The following LSMEM2 variants were observed in gnomAD, a reference collection of about 807,000 sequenced individuals.
LSMEM2 encodes leucine rich single-pass membrane protein 2.
A neutral mutation model predicts 17.3 loss-of-function variants in LSMEM2; 20 were observed. That is an observed-to-expected ratio of 1.16 (90% CI 0.81 to 1.68). The LOEUF is 1.68. Ranked by LOEUF, LSMEM2 falls within the 40% of genes most tolerant of loss-of-function variation. The pLI is 0.00. For missense variants in LSMEM2, 207 were observed against 214.3 expected, an observed-to-expected ratio of 0.97 and a Z score of 0.21; for synonymous variants, 94 against 97.8, an observed-to-expected ratio of 0.96 and a Z score of 0.23.
intron 1 of LSMEM2, among the ~76,000 whole-genome samples, chr3:50,282,843 CACTGT>C (rs1314194690): frequency 6.6e-6 from 1 of 151,664 alleles, no homozygotes; most frequent in Non-Finnish European, 1.5e-5. Context: ...GAGATCATGC[CACTGT>C]ACTCCAGTCT....
intron 1 of LSMEM2, 114 bp downstream of exon 1, chr3:50,279,285 C>A: frequency 1.1e-6 from 1 of 941,858 alleles, no homozygotes; most frequent in Non-Finnish European, 1.7e-6. Flanking sequence ...GTTAGTTACC[C>A]ATTTTCATGC....
intron 1 of LSMEM2, among the ~76,000 whole-genome samples, chr3:50,283,872 CAA>C (rs1701457150): frequency 1.3e-5 from 2 of 152,132 alleles, no homozygotes; most frequent in South Asian, 2.1e-4. Context: ...TACACAGACC[CAA>C]GTGACTAAAT....
chr3:50,285,514 C>T (rs1157203077), intron 1 of LSMEM2, among the ~76,000 whole-genome samples: 1 of 151,902 alleles, frequency 6.6e-6, no homozygotes, highest in Non-Finnish European at 1.5e-5. Flanking sequence ...GTGGCACACG[C>T]CTGTAATCCC....
At chr3:50,286,929 G>A in intron 3 of LSMEM2, 67 bp downstream of exon 3, 1 of 1,592,878 alleles carries the variant, frequency 6.3e-7, no homozygotes, top group Non-Finnish European at 8.6e-7. Context: ...GCCCTTCTGT[G>A]CAGCTGGAAG....
chr3:50,287,323 T>C lies in LSMEM2; in HGVS notation c.*121T>C. 1.5e-6 allele frequency: 2 copies of C among 1,344,878 alleles called. No homozygotes were observed. The highest frequency in any genetic ancestry group is 3.9e-4 in the Middle Eastern group (2 of 5,082). 83.3% of individuals were successfully genotyped at this position (1,344,878 alleles called of 1,614,324 possible). On this transcript the variant is annotated 3_prime_UTR_variant, in exon 4 of 4. Transcript: ENST00000316436. ...CTACACTATTTCCTTGGTGAGATTT[T>C]TGTACAAGAACCTGTTGTTAACTTA... is the stretch of plus-strand genomic sequence containing the variant.
upstream of LSMEM2, among the ~76,000 whole-genome samples, chr3:50,278,127 A>G (rs1553707295): frequency 6.6e-6 from 1 of 152,182 alleles, no homozygotes; most frequent in African/African-American, 2.4e-5. Context: ...TGAGGTGGTA[A>G]CAAGCTTGTT....
intron 1 of LSMEM2, among the ~76,000 whole-genome samples, chr3:50,284,316 T>C (rs1701468872): frequency 6.6e-6 from 1 of 151,488 alleles, no homozygotes; most frequent in Admixed American, 6.6e-5. Context: ...AGCAAATATA[T>C]GTGTGCACGT....
In LSMEM2 at chr3:50,286,568, C is replaced by A. The variant is rs782364492; in HGVS notation, c.156C>A (p.Ser52Arg). ...EVCLHQVESI[S>R]DLHSGAGTLR... ...GCCTGCACCAGGTGGAGTCCATCAG[C>A]GACCTACATAGTGGAGGTGAGTGGG... is the stretch of plus-strand genomic sequence containing the variant. The change falls in exon 2 of 4, where the codon AGC (serine) becomes AGA (arginine). Residue 52 changes from serine (S) to arginine (R), a missense_variant. Coordinates refer to ENST00000316436, the MANE Select transcript of LSMEM2 (RefSeq NM_153215.3). 1.1e-5 allele frequency: 17 copies of A among 1,612,058 alleles called. 1 individual carries two copies. The South Asian group carries it at 1.9e-4, about 18-fold the overall frequency.
At chr3:50,285,817 G>A (rs1701505495) in intron 1 of LSMEM2, among the ~76,000 whole-genome samples, 1 of 152,186 alleles carries the variant, frequency 6.6e-6, no homozygotes, top group African/African-American at 2.4e-5. Context: ...GCTCCAGCCT[G>A]GGCAACAAGA....
chr3:50,279,026 C>T (rs939370133), upstream of LSMEM2: 7 of 1,400,080 alleles, frequency 5.0e-6, no homozygotes, highest in Non-Finnish European at 5.1e-6. Flanking sequence ...TGAGCTCAGG[C>T]CTATTTTAGG....
At chr3:50,278,020 G>A (rs587693131), upstream of LSMEM2, among the ~76,000 whole-genome samples, 1 of 152,376 alleles carries the variant, frequency 6.6e-6, no homozygotes, top group East Asian at 1.9e-4. Flanking sequence ...AGGCCTCACT[G>A]AAGGGGTGGC....
intron 1 of LSMEM2, among the ~76,000 whole-genome samples, chr3:50,284,432 G>C (rs182315104): frequency 2.0e-5 from 3 of 151,174 alleles, no homozygotes; most frequent in Non-Finnish European, 2.9e-5. Context: ...TTTGGTAATA[G>C]CTTTAAAAAA....
chr3:50,287,342 T>A lies in LSMEM2; in HGVS notation c.*140T>A. On this transcript the variant is annotated 3_prime_UTR_variant, in exon 4 of 4. Coordinates refer to ENST00000316436, the MANE Select transcript of LSMEM2 (RefSeq NM_153215.3). The stretch of plus-strand genomic sequence containing the variant: ...AGATTTTTGTACAAGAACCTGTTGT[T>A]AACTTAATGGCTGCCTCCCTCTCCT... 1 of 1,130,026 alleles carries A rather than the reference T, an allele frequency of 8.8e-7. No homozygotes were observed. The highest frequency in any genetic ancestry group is 1.3e-6 in the Non-Finnish European group (1 of 789,508). 70.0% of individuals were successfully genotyped at this position (1,130,026 alleles called of 1,614,324 possible). A position where few individuals can be genotyped will look rare whatever the true frequency, so the allele number is the denominator to read the frequency against.
At chr3:50,284,365 A>G (rs782489680) in intron 1 of LSMEM2, among the ~76,000 whole-genome samples, 13 of 152,102 alleles carry the variant, frequency 8.5e-5, no homozygotes, top group Non-Finnish European at 2.9e-5. Context: ...GGGGATGCCT[A>G]ATGGTGGCAA....
chr3:50,286,841 C>CT lies in LSMEM2; in HGVS notation c.341dup (p.Leu115ProfsTer11). ...GGTGCTCACTTGCCTAGTGCTCGCACTCCTGGCTGTCTACCTGAGCGGTAT... is the reference window on the plus strand; with the variant it reads ...GGTGCTCACTTGCCTAGTGCTCGCACTTCCTGGCTGTCTACCTGAGCGGTAT... On this transcript the variant is annotated frameshift_variant, in exon 3 of 4. Transcript: ENST00000316436. LOFTEE classifies it high-confidence loss of function. The CT allele has an allele frequency of 6.2e-7, 1 of 1,613,822 alleles. No homozygotes were observed. Among genetic ancestry groups the CT allele is most frequent in the Non-Finnish European group, 8.5e-7 (1 of 1,180,028 alleles).
intron 1 of LSMEM2, among the ~76,000 whole-genome samples, chr3:50,285,309 C>T (rs781865896): frequency 7.9e-5 from 12 of 151,610 alleles, no homozygotes; most frequent in Non-Finnish European, 1.3e-4. Context: ...CCAGCCTGGG[C>T]GACAGAGGGA....
Position 50,287,909 on chromosome 3 carries a change from G to T in LSMEM2, c.*707G>T. ...GGGGAGCAAGGCCTGAGAAAGGAAA[G>T]GAAGGGAAAGGCCCCCTAGTGCCTG... On this transcript the variant is annotated 3_prime_UTR_variant, in exon 4 of 4. Transcript: ENST00000316436. 1 of 427,860 alleles carries T rather than the reference G, an allele frequency of 2.3e-6. No individual in the cohort carries two copies. Among genetic ancestry groups the T allele is most frequent in the Non-Finnish European group, 4.3e-6 (1 of 233,474 alleles). 26.5% of individuals were successfully genotyped at this position (427,860 alleles called of 1,614,324 possible). A position where few individuals can be genotyped will look rare whatever the true frequency, so the allele number is the denominator to read the frequency against.
chr3:50,286,842 T>C lies in LSMEM2; in HGVS notation c.341T>C (p.Leu114Pro). Residue 114 changes from leucine to proline, a missense_variant, in exon 3 of 4, where the codon CTC becomes CCC. By Grantham distance (98) the Leu-to-Pro change is moderately conservative. Transcript: ENST00000316436. ...LLVLTCLVLA[L>P]LAVYLSVLQS... Reference sequence around the variant, plus strand: ...GTGCTCACTTGCCTAGTGCTCGCACTCCTGGCTGTCTACCTGAGCGGTATG... The same window carrying C: ...GTGCTCACTTGCCTAGTGCTCGCACCCCTGGCTGTCTACCTGAGCGGTATG... 6.2e-7 allele frequency: 1 copy of C among 1,613,820 alleles called. No homozygotes were observed. Among genetic ancestry groups the C allele is most frequent in the Non-Finnish European group, 8.5e-7 (1 of 1,180,032 alleles).
intron 1 of LSMEM2, among the ~76,000 whole-genome samples, chr3:50,281,374 T>G (rs1313542116): frequency 1.4e-5 from 2 of 145,138 alleles, no homozygotes; most frequent in Non-Finnish European, 3.0e-5. Context: ...TTTTTTTTTT[T>G]TTTTCTGAGA....
Sources: allele counts gnomAD v4.1 joint callset (sites outside exome capture counted in the v4.1 genomes callset), GRCh38; gene constraint gnomAD v4.1.1; transcripts MANE v1.5; gene names NCBI Gene and HGNC (gene_info 2026-07-23, HGNC 2026-07-21).